The following ARMC9 variants were observed in gnomAD, a reference collection of about 807,000 sequenced individuals.
ARMC9 encodes the protein armadillo repeat containing 9.
A neutral mutation model predicts 107.0 loss-of-function variants in ARMC9; 94 were observed. The observed-to-expected ratio is 0.88, with a 90% CI of 0.74 to 1.04. The LOEUF (loss-of-function observed/expected upper bound fraction) is 1.04. Among genes scored for constraint, ARMC9 ranks in the 50% least tolerant of loss-of-function variants. The pLI is 0.00. For synonymous variants in ARMC9, 380 were observed against 396.9 expected, an observed-to-expected ratio of 0.96 and a Z score of 0.51; for missense variants, 942 against 1,030.1, an observed-to-expected ratio of 0.91 and a Z score of 1.17.
chr2:231,244,023 T>C (rs1435920057), intron 9 of ARMC9, among the ~76,000 whole-genome samples: 3 of 152,204 alleles, frequency 2.0e-5, no homozygotes, highest in African/African-American at 7.2e-5. Context: ...GCGTCCTTCA[T>C]AGAGCGGTCT....
chr2:231,269,551 A>G (rs2039138558), intron 12 of ARMC9, among the ~76,000 whole-genome samples: 1 of 151,328 alleles, frequency 6.6e-6, no homozygotes, highest in Non-Finnish European at 1.5e-5. Flanking sequence ...ACGCCTGGCT[A>G]ATTTTTGTAT....
In ARMC9 at chr2:231,257,264, T is replaced by G. The variant is rs562171205; in HGVS notation, c.914+644T>G. 2.0e-5 allele frequency among the ~76,000 whole-genome samples: 3 copies of G among 152,368 alleles called. No individual in the cohort carries two copies. In the East Asian group the frequency reaches 5.8e-4, roughly 29 times the overall value. On this transcript the variant is annotated intron_variant, in intron 10 of 24. Transcript: ENST00000611582. ...TTGCACTGTCTGAATTTATGTTGTC[T>G]GCTGGTTCACACTGTGATCAAGGCC...
chr2:231,233,776 CAA>C (rs1224508552), intron 7 of ARMC9, among the ~76,000 whole-genome samples: 2 of 137,690 alleles, frequency 1.5e-5, no homozygotes, highest in African/African-American at 2.6e-5. Flanking sequence ...AACTCCATCT[CAA>C]AAAAAAAAAA....
chr2:231,331,801 T>TGACATCATGGAA lies in ARMC9; in HGVS notation c.1784_1795dup (p.Asp595_Glu598dup). ...CATGTCTCCTGAAACAGGAGGACCA[T>TGACATCATGGAA]GACATCATGGAAGCCGATCTGGACA... On this transcript the variant is annotated inframe_insertion, in exon 20 of 25. Transcript: ENST00000611582. 6.2e-7 allele frequency: 1 copy of TGACATCATGGAA among 1,613,814 alleles called. No homozygotes were observed. The highest frequency in any genetic ancestry group is 8.5e-7 in the Non-Finnish European group (1 of 1,179,824).
At chr2:231,339,782 A>C (rs2044382534) in intron 20 of ARMC9, among the ~76,000 whole-genome samples, 1 of 152,226 alleles carries the variant, frequency 6.6e-6, no homozygotes, top group South Asian at 2.1e-4. Flanking sequence ...AAATACAAAA[A>C]TTATTCAGGC....
chr2:231,214,516 CTT>C (rs1333034135), intron 3 of ARMC9, among the ~76,000 whole-genome samples: 3 of 152,186 alleles, frequency 2.0e-5, no homozygotes, highest in Non-Finnish European at 4.4e-5. Context: ...CAAAGGGTGA[CTT>C]CAGTATATTT....
At chr2:231,229,114 G>A (rs1380404421) in intron 7 of ARMC9, among the ~76,000 whole-genome samples, 1 of 151,922 alleles carries the variant, frequency 6.6e-6, no homozygotes, top group Non-Finnish European at 1.5e-5. Context: ...AATGGCTGTG[G>A]ATTTGAGTCT....
chr2:231,226,885 T>G lies in ARMC9; in HGVS notation c.622+87T>G, dbSNP rs374030376. On this transcript the variant is annotated intron_variant, in intron 7 of 24. Coordinates refer to ENST00000611582, the MANE Select transcript of ARMC9 (RefSeq NM_001352754.2). The stretch of plus-strand genomic sequence containing the variant: ...AAGATCGGTGCAAAGATGGAGAGAA[T>G]TCATGATTTTGGCTTTAAGAGTCTA... 96 of 1,471,706 alleles carry G rather than the reference T, an allele frequency of 6.5e-5. No individual in the cohort carries two copies. The African/African-American group carries it at 1.1e-3, about 17-fold the overall frequency. 91.2% of individuals were successfully genotyped at this position (1,471,706 alleles called of 1,614,324 possible). A position where few individuals can be genotyped will look rare whatever the true frequency, so the allele number is the denominator to read the frequency against.
At chr2:231,207,988 G>T in intron 2 of ARMC9, 139 bp from the exon 3 acceptor site, 1 of 526,244 alleles carries the variant, frequency 1.9e-6, no homozygotes, top group South Asian at 2.4e-5. Flanking sequence ...GATTGTTAGT[G>T]ATGTTAAGCA....
chr2:231,324,519 A>G (rs541908116), intron 19 of ARMC9, among the ~76,000 whole-genome samples: 86 of 151,090 alleles, frequency 5.7e-4, no homozygotes, highest in African/African-American at 1.5e-3. Flanking sequence ...CGGGAGGCCA[A>G]GGTGGGCAGA....
intron 12 of ARMC9, 66 bp downstream of exon 12, chr2:231,262,464 G>A (rs1378068281): frequency 5.0e-6 from 7 of 1,392,708 alleles, no homozygotes; most frequent in Admixed American, 3.4e-5. Context: ...CTTAGCAGAT[G>A]GGGGAAGCTT....
intron 9 of ARMC9, among the ~76,000 whole-genome samples, chr2:231,254,843 T>TCTC (rs1243465114): frequency 1.3e-5 from 2 of 152,084 alleles, no homozygotes; most frequent in Admixed American, 1.3e-4. Flanking sequence ...CTTGCTTTCT[T>TCTC]CTCCTCTACT....
At chr2:231,222,249 A>G (rs1313113585) in intron 5 of ARMC9, among the ~76,000 whole-genome samples, 1 of 152,146 alleles carries the variant, frequency 6.6e-6, no homozygotes, top group Non-Finnish European at 1.5e-5. Context: ...AATTCTTGAC[A>G]TGGTGGGGTA....
At chr2:231,364,340 A>G (rs2045721475) in intron 23 of ARMC9, among the ~76,000 whole-genome samples, 1 of 152,272 alleles carries the variant, frequency 6.6e-6, no homozygotes, top group South Asian at 2.1e-4. Flanking sequence ...ACAGGATCAG[A>G]AGCAAATGTC....
chr2:231,252,210 ATCAC>A (rs2037360275), intron 9 of ARMC9, among the ~76,000 whole-genome samples: 2 of 152,192 alleles, frequency 1.3e-5, no homozygotes, highest in African/African-American at 4.8e-5. Flanking sequence ...ACCAGCCAAT[ATCAC>A]TAATTATCAA....
chr2:231,342,935 G>A (rs2044605573), intron 20 of ARMC9, among the ~76,000 whole-genome samples: 1 of 150,784 alleles, frequency 6.6e-6, no homozygotes, highest in Admixed American at 6.6e-5. Flanking sequence ...TTTTGTTTTT[G>A]TTTGAGATGC....
intron 1 of ARMC9, among the ~76,000 whole-genome samples, chr2:231,203,919 C>A (rs188281898): frequency 4.2e-4 from 64 of 152,112 alleles, no homozygotes; most frequent in Non-Finnish European, 8.2e-4. Flanking sequence ...AAGATTGTGC[C>A]ATTCTACTCC....
chr2:231,202,768 G>GA (rs2031275975), intron 1 of ARMC9, among the ~76,000 whole-genome samples: 1 of 152,178 alleles, frequency 6.6e-6, no homozygotes, highest in Non-Finnish European at 1.5e-5. Flanking sequence ...CACGAAGGGT[G>GA]ACTTGACAGT....
chr2:231,224,928 A>G (rs1162971286), intron 6 of ARMC9, among the ~76,000 whole-genome samples: 1 of 152,208 alleles, frequency 6.6e-6, no homozygotes, highest in Non-Finnish European at 1.5e-5. Context: ...AAATAATTTA[A>G]TATTACTGGA....
Sources: gnomAD v4.1 joint callset for allele counts (sites outside exome capture counted in the v4.1 genomes callset) on GRCh38, gnomAD v4.1.1 for gene constraint, MANE v1.5 for transcripts, NCBI Gene and HGNC (gene_info 2026-07-23, HGNC 2026-07-21) for gene names.